BICDL1: variants seen among roughly 807,000 people sequenced by gnomAD.
BICDL1 encodes BICD family-like cargo adapter 1.
A neutral mutation model predicts 76.8 loss-of-function variants in BICDL1; 20 were observed. The ratio of observed to expected loss-of-function variants is 0.26; its 90% CI spans 0.18 to 0.38. The LOEUF (loss-of-function observed/expected upper bound fraction) is 0.38. Ranked by LOEUF, BICDL1 falls within the 10% of genes least tolerant of loss-of-function variation. BICDL1 has a pLI of 1.00. For synonymous variants in BICDL1, 383 were observed against 337.1 expected, an observed-to-expected ratio of 1.14 and a Z score of -1.49; for missense variants, 700 against 798.6, an observed-to-expected ratio of 0.88 and a Z score of 1.49.
At chr12:120,010,659 C>G (rs1027370050) in intron 2 of BICDL1, among the ~76,000 whole-genome samples, 9 of 152,192 alleles carry the variant, frequency 5.9e-5, no homozygotes, top group African/African-American at 7.2e-5. Context: ...GTCCCCTTCC[C>G]CATTTTCACT....
chr12:120,002,888 G>T (rs1248545370), intron 2 of BICDL1, among the ~76,000 whole-genome samples: 10 of 152,310 alleles, frequency 6.6e-5, no homozygotes, highest in Admixed American at 6.5e-4. Context: ...GGGTCATGGT[G>T]GCTCACGCCT....
At chr12:120,020,653 C>T (rs948144755) in intron 2 of BICDL1, among the ~76,000 whole-genome samples, 1 of 152,094 alleles carries the variant, frequency 6.6e-6, no homozygotes, top group Admixed American at 6.6e-5. Context: ...AATAAAATAA[C>T]TGATTCAGGC....
In BICDL1 at chr12:120,013,547, C is replaced by T. The variant is rs1179833949; in HGVS notation, c.645+14811C>T. 4.0e-5 allele frequency among the ~76,000 whole-genome samples: 6 copies of T among 151,064 alleles called. No homozygotes were observed. The South Asian group carries it at 6.3e-4, about 16-fold the overall frequency. On this transcript the variant is annotated intron_variant, in intron 2 of 9. Transcript: ENST00000548673. The stretch of plus-strand genomic sequence containing the variant: ...CGCGATCTCGGCTCACTGCAACCTC[C>T]GCCTCCTGGGTTCAAGTGATTCTCC...
chr12:120,027,919 G>A (rs1952341750), intron 2 of BICDL1, among the ~76,000 whole-genome samples: 1 of 152,178 alleles, frequency 6.6e-6, no homozygotes, highest in African/African-American at 2.4e-5. Flanking sequence ...ACAGCAAGAA[G>A]ATTCAGTCCA....
At chr12:120,021,119 C>T (rs942330834) in intron 2 of BICDL1, among the ~76,000 whole-genome samples, 1 of 151,966 alleles carries the variant, frequency 6.6e-6, no homozygotes, top group African/African-American at 2.4e-5. Flanking sequence ...CCTGTCTCTA[C>T]TAAAAATACA....
At chr12:120,083,800 C>T (rs1488552477) in intron 8 of BICDL1, among the ~76,000 whole-genome samples, 2 of 151,896 alleles carry the variant, frequency 1.3e-5, no homozygotes. Flanking sequence ...GAATTACAGG[C>T]ATGCGCCCCC....
At position 120,094,090 on chromosome 12, in the gene BICDL1, G is replaced by C. The variant is rs2139040136; in HGVS notation, c.*929G>C. 4.8e-6 allele frequency: 2 copies of C among 416,734 alleles called. No individual in the cohort carries two copies. Among genetic ancestry groups the C allele is most frequent in the East Asian group, 1.4e-4 (2 of 13,994 alleles). The allele number at this position is 416,734 out of a possible 1,614,324, so 25.8% of individuals were successfully genotyped here. A position where few individuals can be genotyped will look rare whatever the true frequency, so the allele number is the denominator to read the frequency against. On this transcript the variant is annotated 3_prime_UTR_variant, in exon 10 of 10. Coordinates refer to ENST00000548673, the MANE Select transcript of BICDL1 (RefSeq NM_001367886.1). Reference sequence around the variant, plus strand: ...CTTGAGGGCAGCACAGGCACCACGGGGTGGAGGGGAGGGGGAGGCTGCCGG... The same window carrying C: ...CTTGAGGGCAGCACAGGCACCACGGCGTGGAGGGGAGGGGGAGGCTGCCGG...
At chr12:120,053,414 A>G (rs1399442711) in intron 2 of BICDL1, among the ~76,000 whole-genome samples, 1 of 152,168 alleles carries the variant, frequency 6.6e-6, no homozygotes, top group Non-Finnish European at 1.5e-5. Context: ...TTATCCTGTA[A>G]GGGAGAAGAG....
rs144579537 is a variant in BICDL1 at position 120,083,859 on chromosome 12, G to A, written c.1583+2842G>A. 5.1e-3 allele frequency among the ~76,000 whole-genome samples: 769 copies of A among 151,642 alleles called. 5 individuals are homozygous for A. The highest frequency in any genetic ancestry group is 0.016 in the African/African-American group (681 of 41,314). ...GTAGAGACGGGGTTTCAGCATGTTG[G>A]TCAAGCTGGTCTCAAACTCCTGACC... On this transcript the variant is annotated intron_variant, in intron 8 of 9. Transcript: ENST00000548673.
chr12:120,050,585 G>T (rs903486372), intron 2 of BICDL1, among the ~76,000 whole-genome samples: 3 of 151,426 alleles, frequency 2.0e-5, no homozygotes, highest in Non-Finnish European at 4.4e-5. Flanking sequence ...TTTTCTTAAT[G>T]ATGTCTTCTA....
At chr12:120,040,736 A>G (rs1952623814) in intron 2 of BICDL1, among the ~76,000 whole-genome samples, 1 of 147,208 alleles carries the variant, frequency 6.8e-6, no homozygotes, top group Non-Finnish European at 1.5e-5. Flanking sequence ...ATGTTGGAAC[A>G]TTTAATAGGA....
chr12:120,058,953 T>G (rs1191787260), intron 2 of BICDL1, among the ~76,000 whole-genome samples: 1 of 152,168 alleles, frequency 6.6e-6, no homozygotes, highest in Non-Finnish European at 1.5e-5. Context: ...AAGAAAAGCC[T>G]TGCTAAATTG....
At chr12:120,015,408 C>A (rs1389751216) in intron 2 of BICDL1, among the ~76,000 whole-genome samples, 2 of 152,176 alleles carry the variant, frequency 1.3e-5, no homozygotes, top group African/African-American at 2.4e-5. Flanking sequence ...GTTGGAATTT[C>A]CCCCAGTCCT....
At chr12:120,023,233 G>T (rs1388134829) in intron 2 of BICDL1, among the ~76,000 whole-genome samples, 4 of 152,152 alleles carry the variant, frequency 2.6e-5, no homozygotes, top group Admixed American at 2.0e-4. Context: ...ATTGCAAAAA[G>T]ATCTCAATGT....
chr12:119,998,155 C>G (rs747089432), intron 1 of BICDL1, among the ~76,000 whole-genome samples: 1 of 151,974 alleles, frequency 6.6e-6, no homozygotes, highest in Non-Finnish European at 1.5e-5. Flanking sequence ...TCAAAAAAAT[C>G]AAAAAGGATT....
At chr12:120,000,699 A>C (rs1196691301) in intron 2 of BICDL1, 2 of 152,204 alleles carry the variant, frequency 1.3e-5, no homozygotes, top group African/African-American at 4.8e-5. Context: ...CGAAGGGAAA[A>C]AGCAGATTTC....
At chr12:120,020,684 A>G (rs574917469) in intron 2 of BICDL1, among the ~76,000 whole-genome samples, 1 of 152,354 alleles carries the variant, frequency 6.6e-6, no homozygotes, top group South Asian at 2.1e-4. Context: ...TACAGATGAT[A>G]AAACTATTAG....
chr12:120,093,848 C>A lies in BICDL1; in HGVS notation c.*687C>A. ...CTCCCTCCCAGCCTTCAGTCTCTGC[C>A]CCTTAGCAGGGCCTGGCCAGGCAGA... On this transcript the variant is annotated 3_prime_UTR_variant, in exon 10 of 10. Coordinates refer to ENST00000548673, the MANE Select transcript of BICDL1 (RefSeq NM_001367886.1). 1 of 203,960 alleles carries A rather than the reference C, an allele frequency of 4.9e-6. No individual in the cohort carries two copies. Among genetic ancestry groups the A allele is most frequent in the Non-Finnish European group, 1.0e-5 (1 of 97,850 alleles). The allele number at this position is 203,960 out of a possible 1,614,324, so 12.6% of individuals were successfully genotyped here. A position where few individuals can be genotyped will look rare whatever the true frequency, so the allele number is the denominator to read the frequency against.
chr12:120,049,054 C>G (rs761577983), intron 2 of BICDL1, among the ~76,000 whole-genome samples: 7 of 152,152 alleles, frequency 4.6e-5, no homozygotes, highest in Non-Finnish European at 8.8e-5. Flanking sequence ...CCTTAAAAAG[C>G]TTCAAATGAG....
Sources: allele counts gnomAD v4.1 joint callset (sites outside exome capture counted in the v4.1 genomes callset), GRCh38; gene constraint gnomAD v4.1.1; transcripts MANE v1.5; gene names NCBI Gene and HGNC (gene_info 2026-07-23, HGNC 2026-07-21).